Variants in ME1 observed in about 807,000 individuals in gnomAD.
ME1 encodes the protein malic enzyme 1.
Under a neutral mutation model 66.4 loss-of-function variants are expected in ME1, and 74 were observed. The ratio of observed to expected loss-of-function variants is 1.11; its 90% CI spans 0.92 to 1.35. The LOEUF is 1.35. ME1 is among the 40% of genes most tolerant of loss of function. The pLI is 0.00. For synonymous variants in ME1, 251 were observed against 235.6 expected (o/e 1.07, Z -0.60); for missense variants, 750 against 694.1 (o/e 1.08, Z -0.90).
chr6:83,364,908 C>T (rs1273479070), intron 3 of ME1, among the ~76,000 whole-genome samples: 2 of 152,066 alleles, frequency 1.3e-5, no homozygotes, highest in East Asian at 3.9e-4. Flanking sequence ...CAACTGCCTC[C>T]CCTCCCCAAG....
At position 83,279,512 on chromosome 6, in the gene ME1, G is replaced by A. The variant is rs570354819; in HGVS notation, c.705-25774C>T. Among the ~76,000 whole-genome samples, 4 of 152,226 alleles carry A rather than the reference G, an allele frequency of 2.6e-5. No individual in the cohort carries two copies. The East Asian group carries it at 5.8e-4, about 22-fold the overall frequency. On this transcript the variant is annotated intron_variant, in intron 6 of 13. Transcript: ENST00000369705. ...ACCAGAAATAAAGACTGGCTTTGAT[G>A]GGCTCATCAGTAGACCAGACACCAC...
chr6:83,225,619 C>T (rs926069066), intron 11 of ME1, among the ~76,000 whole-genome samples: 16 of 151,996 alleles, frequency 1.1e-4, no homozygotes, highest in African/African-American at 3.6e-4. Context: ...AAAACAAATT[C>T]TCATCTAGCT....
rs182847022 is a variant in ME1, at chr6:83,382,046, T to A, written c.362+16321A>T. Among the ~76,000 whole-genome samples the A allele has an allele frequency of 3.0e-3, 452 of 152,012 alleles. 1 individual carries two copies. The highest frequency in any genetic ancestry group is 4.6e-3 in the Non-Finnish European group (314 of 67,932). On this transcript the variant is annotated intron_variant, in intron 3 of 13. Coordinates refer to ENST00000369705, the MANE Select transcript of ME1 (RefSeq NM_002395.6). ...GGTTTTTATTTTTTCCTTTTTTTTT[T>A]CCCTGATTTTCACAAGCTGCTTCCT...
chr6:83,361,795 A>AT (rs1769010855), intron 3 of ME1, among the ~76,000 whole-genome samples: 1 of 152,210 alleles, frequency 6.6e-6, no homozygotes, highest in African/African-American at 2.4e-5. Context: ...CCATGTAGCC[A>AT]TAAAGTGGGC....
chr6:83,239,358 G>A (rs192318688), intron 8 of ME1, among the ~76,000 whole-genome samples, 181 bp downstream of exon 8: 1 of 152,000 alleles, frequency 6.6e-6, no homozygotes, highest in Admixed American at 6.6e-5. Context: ...CATTACTTCT[G>A]TACTAAATTA....
intron 12 of ME1, among the ~76,000 whole-genome samples, chr6:83,220,228 T>C (rs1205510826): frequency 6.6e-6 from 1 of 152,176 alleles, no homozygotes; most frequent in Non-Finnish European, 1.5e-5. Flanking sequence ...TGACTGTCCA[T>C]GATGATTATC....
intron 7 of ME1, among the ~76,000 whole-genome samples, chr6:83,240,619 A>G (rs1382574964): frequency 1.3e-5 from 2 of 152,130 alleles, no homozygotes; most frequent in African/African-American, 4.8e-5. Context: ...CCAAGGTAAC[A>G]TTCTACCTAT....
intron 3 of ME1, among the ~76,000 whole-genome samples, chr6:83,374,271 T>C (rs1769245718): frequency 6.6e-6 from 1 of 152,194 alleles, no homozygotes; most frequent in Non-Finnish European, 1.5e-5. Flanking sequence ...CTCTTGTTTC[T>C]TGACTTTTTA....
intron 1 of ME1, among the ~76,000 whole-genome samples, chr6:83,420,215 C>T (rs1409045328): frequency 1.3e-5 from 2 of 152,066 alleles, no homozygotes; most frequent in Non-Finnish European, 1.5e-5. Context: ...CTACAGGCGC[C>T]CACCGCCATG....
At chr6:83,370,690 GA>G (rs1367091596) in intron 3 of ME1, among the ~76,000 whole-genome samples, 1 of 151,880 alleles carries the variant, frequency 6.6e-6, no homozygotes, top group Non-Finnish European at 1.5e-5. Context: ...AAGTAAAGGG[GA>G]AAAAAGCACT....
Position 83,228,836 on chromosome 6 carries a change from A to C in ME1, c.1122T>G (p.Thr374=), listed in dbSNP as rs1401070810. ...LEAIVQEIKP[T]ALIGVAAIGG... is the part of the protein sequence containing the mutation. ...GGAGAAAATGCTTACCTATGAGGGC[A>C]GTTGGTTTTATTTCTTGAACAATGG... The change falls in exon 10 of 14, where the codon ACT becomes ACG. Residue 374 remains threonine (T), a synonymous_variant. Transcript: ENST00000369705. 1.1e-5 allele frequency: 17 copies of C among 1,606,562 alleles called. No homozygotes were observed. In the East Asian group the frequency reaches 3.8e-4, roughly 36 times the overall value.
Position 83,237,284 on chromosome 6 carries a change from G to GA in ME1, c.1026+432dup, listed in dbSNP as rs1562455304. Among the ~76,000 whole-genome samples, 122 of 29,022 alleles carry GA rather than the reference G, an allele frequency of 4.2e-3. 10 individuals are homozygous for GA. Among genetic ancestry groups the GA allele is most frequent in the Middle Eastern group, 0.017 (1 of 60 alleles). The allele number at this position is 29,022 out of a possible 152,430, so 19.0% of individuals were successfully genotyped here. On this transcript the variant is annotated intron_variant, in intron 9 of 13. Coordinates refer to ENST00000369705, the MANE Select transcript of ME1 (RefSeq NM_002395.6). ...GAAAGAAAGAAAGAAAGAAAGGAAG[G>GA]AAGGAAGGAAAGAAAGAAAAAGAAA... is the stretch of plus-strand genomic sequence containing the variant.
intron 2 of ME1, among the ~76,000 whole-genome samples, chr6:83,403,426 C>T (rs1234702179): frequency 6.6e-6 from 1 of 152,164 alleles, no homozygotes; most frequent in African/African-American, 2.4e-5. Flanking sequence ...ATAGACAGCA[C>T]ATTCTCGCTG....
chr6:83,251,292 C>T (rs781578218), intron 7 of ME1, among the ~76,000 whole-genome samples: 13 of 151,832 alleles, frequency 8.6e-5, no homozygotes, highest in African/African-American at 2.7e-4. Context: ...TTCAGGAGCT[C>T]GAGACCAGCC....
chr6:83,269,706 T>C (rs1433114494), intron 6 of ME1, among the ~76,000 whole-genome samples: 1 of 152,148 alleles, frequency 6.6e-6, no homozygotes, highest in Non-Finnish European at 1.5e-5. Context: ...AACTAACGCA[T>C]TCTGGTTGTG....
At chr6:83,232,771 C>T (rs1475266927) in intron 9 of ME1, among the ~76,000 whole-genome samples, 1 of 152,050 alleles carries the variant, frequency 6.6e-6, no homozygotes, top group African/African-American at 2.4e-5. Flanking sequence ...AGCCCTCGAC[C>T]TAGAGATTAT....
intron 3 of ME1, among the ~76,000 whole-genome samples, chr6:83,378,901 G>A (rs1583408500): frequency 6.6e-6 from 1 of 151,896 alleles, no homozygotes; most frequent in South Asian, 2.1e-4. Context: ...ATTGCTTGAG[G>A]TTTTTGTTTT....
chr6:83,262,394 C>T (rs1766915673), intron 6 of ME1, among the ~76,000 whole-genome samples: 2 of 152,166 alleles, frequency 1.3e-5, no homozygotes, highest in Admixed American at 1.3e-4. Flanking sequence ...TTAGAAAATG[C>T]TTTTATAAAC....
At chr6:83,333,395 AATT>A (rs1188862947) in intron 5 of ME1, among the ~76,000 whole-genome samples, 2 of 152,216 alleles carry the variant, frequency 1.3e-5, no homozygotes, top group Non-Finnish European at 2.9e-5. Context: ...ACTCAGTCAT[AATT>A]AAGTTTTCCT....
Sources: gnomAD v4.1 joint callset for allele counts (sites outside exome capture counted in the v4.1 genomes callset) on GRCh38, gnomAD v4.1.1 for gene constraint, MANE v1.5 for transcripts, NCBI Gene and HGNC (gene_info 2026-07-23, HGNC 2026-07-21) for gene names.